KALRN: variants seen among roughly 807,000 people sequenced by gnomAD.
KALRN encodes the protein kalirin.
A neutral mutation model predicts 353.7 loss-of-function variants in KALRN; 70 were observed. That is an observed-to-expected ratio of 0.20 (90% confidence interval 0.16 to 0.24). KALRN has a LOEUF of 0.24. Among genes scored for constraint, KALRN ranks in the 10% least tolerant of loss-of-function variants. The pLI is 1.00. For missense variants in KALRN, 2,791 were observed against 3,756.7 expected, an observed-to-expected ratio of 0.74 and a Z score of 6.72; for synonymous variants, 1,391 against 1,434.8, an observed-to-expected ratio of 0.97 and a Z score of 0.69.
chr3:124,353,620 C>T (rs1227392978), intron 10 of KALRN, among the ~76,000 whole-genome samples: 5 of 152,008 alleles, frequency 3.3e-5, no homozygotes, highest in African/African-American at 1.2e-4. Flanking sequence ...CAGTAAGTTC[C>T]TTCTTTCTCT....
At chr3:124,418,681 T>A (rs2092631612) in intron 14 of KALRN, among the ~76,000 whole-genome samples, 1 of 152,272 alleles carries the variant, frequency 6.6e-6, no homozygotes, top group Admixed American at 6.5e-5. Flanking sequence ...TACCCTCATC[T>A]GGTAACAAAG....
intron 34 of KALRN, among the ~76,000 whole-genome samples, chr3:124,588,273 A>C (rs1032450990): frequency 6.6e-6 from 1 of 152,176 alleles, no homozygotes; most frequent in African/African-American, 2.4e-5. Flanking sequence ...GATAGCTTTG[A>C]CTAGCTAGAC....
intron 5 of KALRN, among the ~76,000 whole-genome samples, chr3:124,288,400 C>T (rs2076137894): frequency 6.6e-6 from 1 of 151,922 alleles, no homozygotes; most frequent in African/African-American, 2.4e-5. Flanking sequence ...GAAATGTGGA[C>T]ACCAATATAG....
At chr3:124,690,972 G>A (rs995371257) in intron 51 of KALRN, among the ~76,000 whole-genome samples, 40 of 152,156 alleles carry the variant, frequency 2.6e-4, no homozygotes, top group African/African-American at 7.2e-4. Flanking sequence ...TGAAGTCAAA[G>A]GTCAAATATG....
chr3:124,173,772 C>T (rs866271931), intron 1 of KALRN, among the ~76,000 whole-genome samples: 6 of 152,212 alleles, frequency 3.9e-5, no homozygotes, highest in Non-Finnish European at 5.9e-5. Flanking sequence ...TGTGCCACCA[C>T]GCCTGGTTAA....
chr3:124,120,394 CT>C (rs1315284872), intron 1 of KALRN, among the ~76,000 whole-genome samples: 1 of 152,112 alleles, frequency 6.6e-6, no homozygotes, highest in African/African-American at 2.4e-5. Context: ...TGAAATATGA[CT>C]TTATTCCTCT....
chr3:124,152,834 C>G, intron 1 of KALRN: 1 of 237,402 alleles, frequency 4.2e-6, no homozygotes, highest in Non-Finnish European at 8.0e-6. Context: ...CCAAGCTTGT[C>G]TTGAACTCCT....
rs574969740 is a variant in KALRN, at chr3:124,133,774, G to A, written c.74-94216G>A. 4.7e-4 allele frequency among the ~76,000 whole-genome samples: 72 copies of A among 152,322 alleles called. 1 individual carries two copies. In the South Asian group the frequency reaches 0.015, roughly 31 times the overall value. ...TTGCCTGGAACCACAGGCAAAAAGA[G>A]TTTCAGGGCAGCCGGAATAGGACAA... On this transcript the variant is annotated intron_variant, in intron 1 of 59. Coordinates refer to ENST00000682506, the MANE Select transcript of KALRN (RefSeq NM_001388419.1).
chr3:124,708,201 A>G (rs2062730885), intron 57 of KALRN, among the ~76,000 whole-genome samples: 1 of 152,258 alleles, frequency 6.6e-6, no homozygotes, highest in African/African-American at 2.4e-5. Flanking sequence ...GTCTCACAAC[A>G]TAACATTTGA....
At chr3:124,608,012 T>C (rs1242791935) in intron 34 of KALRN, among the ~76,000 whole-genome samples, 1 of 75,524 alleles carries the variant, frequency 1.3e-5, no homozygotes. Flanking sequence ...CTTTTTTAAT[T>C]TTTTTTTTTT....
intron 1 of KALRN, chr3:124,152,561 TC>T: frequency 6.3e-6 from 4 of 634,394 alleles, no homozygotes; most frequent in South Asian, 3.5e-5. Context: ...TCTTTTCTTT[TC>T]TTTTCTTTTC....
intron 33 of KALRN, among the ~76,000 whole-genome samples, chr3:124,532,939 GAA>G (rs200277059): frequency 3.0e-5 from 4 of 131,474 alleles, no homozygotes; most frequent in Non-Finnish European, 3.3e-5. Context: ...ACTTTTATGG[GAA>G]AAAAAAAAAA....
chr3:124,621,908 T>C (rs891575137), intron 34 of KALRN, among the ~76,000 whole-genome samples: 2 of 152,260 alleles, frequency 1.3e-5, no homozygotes, highest in African/African-American at 4.8e-5. Flanking sequence ...TGAACAAATA[T>C]GGATTTATCC....
At chr3:124,135,076 C>T (rs1040537828) in intron 1 of KALRN, among the ~76,000 whole-genome samples, 4 of 152,128 alleles carry the variant, frequency 2.6e-5, no homozygotes, top group East Asian at 3.8e-4. Context: ...TACTTGCACA[C>T]GCATGGTTAT....
At chr3:124,591,705 A>T (rs1394909787) in intron 34 of KALRN, among the ~76,000 whole-genome samples, 1 of 152,210 alleles carries the variant, frequency 6.6e-6, no homozygotes, top group African/African-American at 2.4e-5. Flanking sequence ...TATTAACCAT[A>T]GCAGTAATTG....
intron 3 of KALRN, among the ~76,000 whole-genome samples, chr3:124,257,674 G>C (rs567253111): frequency 6.6e-6 from 1 of 152,308 alleles, no homozygotes; most frequent in East Asian, 1.9e-4. Context: ...GGGGGCCTCA[G>C]GGGACCCATG....
chr3:124,187,900 A>G (rs997650237), intron 1 of KALRN, among the ~76,000 whole-genome samples: 5 of 152,178 alleles, frequency 3.3e-5, no homozygotes, highest in African/African-American at 1.2e-4. Flanking sequence ...AAAAGTCCTC[A>G]ATATGTGCAT....
At chr3:124,167,592 A>C (rs937868695) in intron 1 of KALRN, among the ~76,000 whole-genome samples, 7 of 152,220 alleles carry the variant, frequency 4.6e-5, no homozygotes, top group African/African-American at 7.2e-5. Context: ...AACTGTAGGC[A>C]AAAGGTGTTT....
At chr3:124,193,102 T>C (rs1434129535) in intron 1 of KALRN, among the ~76,000 whole-genome samples, 2 of 152,310 alleles carry the variant, frequency 1.3e-5, no homozygotes, top group Middle Eastern at 3.4e-3. Context: ...TGGGCCTGTT[T>C]GCCTTCAGAT....
Sources: gnomAD v4.1 joint callset for allele counts (sites outside exome capture counted in the v4.1 genomes callset) on GRCh38, gnomAD v4.1.1 for gene constraint, MANE v1.5 for transcripts, NCBI Gene and HGNC (gene_info 2026-07-23, HGNC 2026-07-21) for gene names.